The following L3MBTL4 variants were observed in gnomAD, a reference collection of about 807,000 sequenced individuals.
L3MBTL4 encodes the protein L3MBTL histone methyl-lysine binding protein 4, also known as lethal(3)malignant brain tumor-like protein 4.
In L3MBTL4, 70 loss-of-function variants were observed where a neutral mutation model predicts 84.5. The ratio of observed to expected loss-of-function variants is 0.83; its 90% confidence interval spans 0.68 to 1.01. The LOEUF is 1.01. Among genes scored for constraint, L3MBTL4 ranks in the 50% least tolerant of loss-of-function variants. L3MBTL4 has a pLI of 0.00. For synonymous variants in L3MBTL4, 274 were observed against 259.8 expected, an observed-to-expected ratio of 1.05 and a Z score of -0.52; for missense variants, 715 against 754.8, an observed-to-expected ratio of 0.95 and a Z score of 0.62.
At chr18:6,077,099 G>T (rs1011802313) in intron 16 of L3MBTL4, among the ~76,000 whole-genome samples, 3 of 152,174 alleles carry the variant, frequency 2.0e-5, no homozygotes, top group African/African-American at 7.2e-5. Context: ...AGGCACAGAG[G>T]CCCAGCTCCG....
chr18:6,232,008 A>G (rs1259721815), intron 10 of L3MBTL4, among the ~76,000 whole-genome samples: 1 of 152,096 alleles, frequency 6.6e-6, no homozygotes, highest in Admixed American at 6.6e-5. Context: ...ATTGAGTATG[A>G]TATTCCCTGT....
intron 14 of L3MBTL4, among the ~76,000 whole-genome samples, chr18:6,108,036 C>T (rs1239230376): frequency 1.3e-5 from 2 of 152,272 alleles, no homozygotes; most frequent in South Asian, 2.1e-4. Flanking sequence ...CTTCCTCCCC[C>T]ATCTACGTCA....
At chr18:6,307,431 G>A (rs1346330696) in intron 3 of L3MBTL4, among the ~76,000 whole-genome samples, 6 of 96,044 alleles carry the variant, frequency 6.2e-5, no homozygotes, top group Admixed American at 1.2e-4. Flanking sequence ...GCAAGACTCC[G>A]TCTCAAAAAA....
At chr18:6,239,533 G>A (rs1217749853) in intron 9 of L3MBTL4, among the ~76,000 whole-genome samples, 185 bp downstream of exon 9, 1 of 152,070 alleles carries the variant, frequency 6.6e-6, no homozygotes, top group Non-Finnish European at 1.5e-5. Context: ...TACAGATGGA[G>A]AAGTTTCTAG....
chr18:6,299,692 C>T (rs529307442), intron 4 of L3MBTL4, among the ~76,000 whole-genome samples: 5 of 152,018 alleles, frequency 3.3e-5, no homozygotes, highest in African/African-American at 9.7e-5. Context: ...TTTTTATATA[C>T]AGGGTCTCAC....
At chr18:6,259,117 G>T (rs980853815) in intron 5 of L3MBTL4, 1 of 152,212 alleles carries the variant, frequency 6.6e-6, no homozygotes, top group Admixed American at 6.6e-5. Flanking sequence ...AGGGAATGAC[G>T]TGTTGAGCTC....
intron 4 of L3MBTL4, among the ~76,000 whole-genome samples, chr18:6,278,479 T>C (rs2146550898): frequency 6.6e-6 from 1 of 152,340 alleles, no homozygotes; most frequent in African/African-American, 2.4e-5. Flanking sequence ...TTCTAATATA[T>C]TGCTGGATTA....
chr18:6,352,924 TAC>T (rs1287610369), intron 1 of L3MBTL4, among the ~76,000 whole-genome samples: 1 of 152,240 alleles, frequency 6.6e-6, no homozygotes, highest in African/African-American at 2.4e-5. Context: ...ATAAATATCA[TAC>T]AGTTTATATA....
At chr18:5,998,680 A>C (rs927539890) in intron 16 of L3MBTL4, among the ~76,000 whole-genome samples, 5 of 152,166 alleles carry the variant, frequency 3.3e-5, no homozygotes, top group Admixed American at 3.3e-4. Flanking sequence ...CACGTGGGGA[A>C]GGGGCGTTCT....
chr18:6,394,293 C>A (rs1373227081), intron 1 of L3MBTL4, among the ~76,000 whole-genome samples: 1 of 151,960 alleles, frequency 6.6e-6, no homozygotes. Context: ...TATGATGAAA[C>A]CCAGTCTCTA....
chr18:5,989,968 G>T (rs973837090), intron 16 of L3MBTL4, among the ~76,000 whole-genome samples: 2 of 152,162 alleles, frequency 1.3e-5, no homozygotes, highest in Admixed American at 1.3e-4. Flanking sequence ...ACTCTGGTTG[G>T]GGGCAAAGAT....
At chr18:6,411,815 TTTCAGGGTTTTCAA>T (rs1322776843) in intron 1 of L3MBTL4, among the ~76,000 whole-genome samples, 6 of 152,180 alleles carry the variant, frequency 3.9e-5, no homozygotes, top group Non-Finnish European at 7.3e-5. Context: ...TGAAAAGCCA[TTTCAGGGTTTTCAA>T]TTCAGTGGTT....
chr18:6,221,626 T>C (rs1055344806), intron 10 of L3MBTL4, among the ~76,000 whole-genome samples: 2 of 152,194 alleles, frequency 1.3e-5, no homozygotes, highest in African/African-American at 4.8e-5. Context: ...AGAGCTACTT[T>C]GAGGTTTACT....
chr18:6,069,292 C>G (rs1178698986), intron 16 of L3MBTL4, among the ~76,000 whole-genome samples: 1 of 152,178 alleles, frequency 6.6e-6, no homozygotes, highest in Non-Finnish European at 1.5e-5. Flanking sequence ...TTTTCTCCTT[C>G]CTGGGCGCAT....
intron 14 of L3MBTL4, among the ~76,000 whole-genome samples, chr18:6,094,983 G>C (rs1316276675): frequency 1.3e-5 from 2 of 152,002 alleles, no homozygotes; most frequent in Admixed American, 6.6e-5. Context: ...AATCTATTCA[G>C]GTATTGATTC....
At chr18:6,005,681 C>A (rs551006119) in intron 16 of L3MBTL4, among the ~76,000 whole-genome samples, 1 of 152,050 alleles carries the variant, frequency 6.6e-6, no homozygotes, top group Non-Finnish European at 1.5e-5. Context: ...ATTTTTTTTA[C>A]GGCCATGTAG....
intron 15 of L3MBTL4, among the ~76,000 whole-genome samples, chr18:6,092,688 G>A (rs895011017): frequency 2.0e-5 from 3 of 152,118 alleles, no homozygotes; most frequent in Non-Finnish European, 4.4e-5. Flanking sequence ...TTCCCAGCAT[G>A]GAGAATAGAG....
chr18:6,164,937 AG>A (rs1193103482), intron 13 of L3MBTL4, among the ~76,000 whole-genome samples: 1 of 152,240 alleles, frequency 6.6e-6, no homozygotes, highest in Non-Finnish European at 1.5e-5. Flanking sequence ...CCTTGAAAAA[AG>A]ATTAGACGAA....
intron 1 of L3MBTL4, among the ~76,000 whole-genome samples, chr18:6,385,996 A>G (rs1403804794): frequency 6.6e-6 from 1 of 152,218 alleles, no homozygotes; most frequent in Admixed American, 6.5e-5. Context: ...AAGCACCTGA[A>G]CAAGCACTGA....
Sources: gnomAD v4.1 joint callset for allele counts (sites outside exome capture counted in the v4.1 genomes callset) on GRCh38, gnomAD v4.1.1 for gene constraint, MANE v1.5 for transcripts, NCBI Gene and HGNC (gene_info 2026-07-23, HGNC 2026-07-21) for gene names.